SEL1L2: variants seen among roughly 807,000 people sequenced by gnomAD.
The protein encoded by SEL1L2 is protein sel-1 homolog 2.
SEL1L2 carries 89 observed loss-of-function variants against 98.8 expected under a neutral mutation model. That is an observed-to-expected ratio of 0.90 (90% CI 0.76 to 1.07). The LOEUF is 1.07. SEL1L2 is among the 50% of genes least tolerant of loss of function. The pLI, the probability that SEL1L2 is intolerant of heterozygous loss-of-function variation, is 0.00. For missense variants in SEL1L2, 788 were observed against 812.0 expected (o/e 0.97, Z 0.36); for synonymous variants, 262 against 278.5 (o/e 0.94, Z 0.59).
chr20:13,919,018 T>TGA lies in SEL1L2; in HGVS notation c.386+2_386+3insTC, dbSNP rs2048532907. ...TGGCTAAGGTCACTGGATAAAGACT[T>TGA]ACTCTTCTTTTTGTTTTTGGCTTTT... On this transcript the variant is annotated splice_region_variant and intron_variant, in intron 4 of 19. Transcript: ENST00000284951. The TGA allele has an allele frequency of 6.3e-7, 1 of 1,598,408 alleles. No individual in the cohort carries two copies. The highest frequency in any genetic ancestry group is 1.3e-5 in the African/African-American group (1 of 74,388).
At chr20:13,914,036 G>T in intron 4 of SEL1L2, 92 bp from the exon 5 acceptor site, 1 of 1,123,418 alleles carries the variant, frequency 8.9e-7, no homozygotes, top group Non-Finnish European at 1.2e-6. Flanking sequence ...TCTCTAACAA[G>T]CAGGAACCAG....
At chr20:13,980,832 C>G (rs1387277973) in intron 1 of SEL1L2, among the ~76,000 whole-genome samples, 2 of 152,068 alleles carry the variant, frequency 1.3e-5, no homozygotes, top group African/African-American at 4.8e-5. Flanking sequence ...ATGCTATTTG[C>G]AACAACATGG....
chr20:13,931,923 T>C, intron 2 of SEL1L2, 152 bp from the exon 3 acceptor site: 2 of 521,482 alleles, frequency 3.8e-6, no homozygotes, highest in South Asian at 3.9e-5. Context: ...AAATGACAGA[T>C]GGCTTACTTC....
chr20:13,964,442 TC>T (rs2050937685), intron 1 of SEL1L2, among the ~76,000 whole-genome samples: 1 of 97,154 alleles, frequency 1.0e-5, no homozygotes, highest in Non-Finnish European at 2.1e-5. Context: ...ATCTGCTATC[TC>T]TTCATTTTTT....
chr20:13,875,383 G>A (rs2046386359), intron 12 of SEL1L2, among the ~76,000 whole-genome samples: 1 of 152,220 alleles, frequency 6.6e-6, no homozygotes, highest in Admixed American at 6.5e-5. Context: ...GGGATTACAA[G>A]CGTGAGCCAC....
chr20:13,929,958 T>C (rs1435395710), intron 3 of SEL1L2, among the ~76,000 whole-genome samples: 1 of 152,152 alleles, frequency 6.6e-6, no homozygotes, highest in Admixed American at 6.5e-5. Context: ...ACCCGGTTAT[T>C]TTTTGTAATT....
intron 11 of SEL1L2, among the ~76,000 whole-genome samples, chr20:13,876,596 C>A (rs2074656434): frequency 6.6e-6 from 1 of 152,084 alleles, no homozygotes; most frequent in East Asian, 1.9e-4. Flanking sequence ...GGCTACTCTG[C>A]AGCCACAGGA....
intron 14 of SEL1L2, among the ~76,000 whole-genome samples, chr20:13,867,205 T>A (rs1038162641): frequency 6.6e-6 from 1 of 152,202 alleles, no homozygotes; most frequent in African/African-American, 2.4e-5. Context: ...TATCTCGCCA[T>A]CTTTGTGATC....
intron 1 of SEL1L2, among the ~76,000 whole-genome samples, chr20:13,989,197 T>C (rs994974816): frequency 1.3e-5 from 2 of 152,190 alleles, no homozygotes; most frequent in African/African-American, 4.8e-5. Flanking sequence ...AGTTTCACAC[T>C]TTTTTTGTAA....
chr20:13,859,513 T>G, intron 17 of SEL1L2, 79 bp from the exon 18 acceptor site: 1 of 1,269,850 alleles, frequency 7.9e-7, no homozygotes, highest in Non-Finnish European at 1.1e-6. Flanking sequence ...CCTAGTAATC[T>G]TGTTTCAGTC....
chr20:13,954,233 C>T (rs2050409611), intron 2 of SEL1L2, among the ~76,000 whole-genome samples: 1 of 152,010 alleles, frequency 6.6e-6, no homozygotes, highest in Non-Finnish European at 1.5e-5. Flanking sequence ...GGAAGATAAC[C>T]AGAATTTGCC....
At position 13,924,625 on chromosome 20, in the gene SEL1L2, G is replaced by A. The variant is rs73261488; in HGVS notation, c.284-5502C>T. Among the ~76,000 whole-genome samples, 1,142 of 151,766 alleles carry A rather than the reference G, an allele frequency of 7.5e-3. 13 individuals are homozygous for A. The highest frequency in any genetic ancestry group is 0.026 in the African/African-American group (1,073 of 41,378). On this transcript the variant is annotated intron_variant, in intron 3 of 19. Coordinates refer to ENST00000284951, the MANE Select transcript of SEL1L2 (RefSeq NM_025229.2). ...TTTTTCATAGAGACAGACTCTCACT[G>A]TATTGCCCAGGTTGTTCTCTAATCC...
At chr20:13,945,485 C>T (rs1033719868) in intron 2 of SEL1L2, among the ~76,000 whole-genome samples, 79 of 148,290 alleles carry the variant, frequency 5.3e-4, no homozygotes, top group Non-Finnish European at 8.2e-4. Flanking sequence ...TTAATATATA[C>T]ATATATATAT....
At chr20:13,915,057 CA>C (rs1335769691) in intron 4 of SEL1L2, 1 of 1,241,582 alleles carries the variant, frequency 8.1e-7, no homozygotes, top group East Asian at 5.8e-5. Flanking sequence ...GACTCAAATA[CA>C]GGGAAAAAAA....
At chr20:13,892,391 A>C (rs2047242023) in intron 5 of SEL1L2, among the ~76,000 whole-genome samples, 1 of 152,044 alleles carries the variant, frequency 6.6e-6, no homozygotes, top group Non-Finnish European at 1.5e-5. Flanking sequence ...TGGAAGTTGC[A>C]GTGAGCTGAG....
Position 13,869,517 on chromosome 20 carries a change from C to T in SEL1L2, c.1241G>A (p.Gly414Asp). ...GTGGCACTTACAGTAGTACATGAAG[C>T]CTAACTGGAACTGTGCGTCGGGCCA... Reference protein sequence around the residue: ...KGWPDAQFQLGFMYYSGSGIW... With the variant: ...KGWPDAQFQLDFMYYSGSGIW... Residue 414 changes from glycine to aspartate, a missense_variant, in exon 14 of 20, where the codon GGC becomes GAC. Transcript: ENST00000284951. 2.5e-6 allele frequency: 4 copies of T among 1,613,688 alleles called. No individual in the cohort carries two copies. Among genetic ancestry groups the T allele is most frequent in the Non-Finnish European group, 2.5e-6 (3 of 1,179,626 alleles).
At chr20:13,967,312 T>A (rs2148494332) in intron 1 of SEL1L2, among the ~76,000 whole-genome samples, 1 of 152,352 alleles carries the variant, frequency 6.6e-6, no homozygotes, top group South Asian at 2.1e-4. Flanking sequence ...ACTTTCTCTC[T>A]GGCTTTTTCT....
chr20:13,867,055 T>C (rs1991159659), intron 14 of SEL1L2, among the ~76,000 whole-genome samples: 1 of 152,122 alleles, frequency 6.6e-6, no homozygotes, highest in Non-Finnish European at 1.5e-5. Context: ...AAATTTATAT[T>C]CTTGAGCCAT....
rs533240570 is a variant in SEL1L2, at chr20:13,927,833, T to C, written c.283+3770A>G. ...TTCCACATTTATGAAGTTCAAACTC[T>C]CCTCTAGGGAAGGTAGCTTCTCCGT... On this transcript the variant is annotated intron_variant, in intron 3 of 19. Transcript: ENST00000284951. Among the ~76,000 whole-genome samples, 3 of 152,348 alleles carry C rather than the reference T, an allele frequency of 2.0e-5. No individual in the cohort carries two copies. In the East Asian group the frequency reaches 5.8e-4, roughly 29 times the overall value.
Sources: allele counts gnomAD v4.1 joint callset (sites outside exome capture counted in the v4.1 genomes callset), GRCh38; gene constraint gnomAD v4.1.1; transcripts MANE v1.5; gene names NCBI Gene and HGNC (gene_info 2026-07-23, HGNC 2026-07-21).